HOMER1: variants seen among roughly 807,000 people sequenced by gnomAD.
HOMER1 encodes the protein homer scaffold protein 1.
In HOMER1, 3 loss-of-function variants were observed where a neutral mutation model predicts 48.9. That is an observed-to-expected ratio of 0.06 (90% CI 0.03 to 0.16). The LOEUF (loss-of-function observed/expected upper bound fraction) is 0.16. Ranked by LOEUF, HOMER1 falls within the 10% of genes least tolerant of loss-of-function variation. The pLI, the probability that HOMER1 is intolerant of heterozygous loss-of-function variation, is 1.00. For missense variants in HOMER1, 247 were observed against 411.4 expected, an observed-to-expected ratio of 0.60 and a Z score of 3.46; for synonymous variants, 134 against 146.4, an observed-to-expected ratio of 0.92 and a Z score of 0.61.
chr5:79,436,640 T>G (rs1049610134), intron 5 of HOMER1, among the ~76,000 whole-genome samples: 1 of 152,236 alleles, frequency 6.6e-6, no homozygotes, highest in Non-Finnish European at 1.5e-5. Flanking sequence ...TTCATTACAT[T>G]TCATTTTTCA....
intron 5 of HOMER1, among the ~76,000 whole-genome samples, chr5:79,425,400 G>A (rs932846551): frequency 6.6e-6 from 1 of 152,034 alleles, no homozygotes; most frequent in African/African-American, 2.4e-5. Context: ...GTGGTAACAG[G>A]GGAAAGGGAG....
At chr5:79,426,049 A>AG (rs941369182) in intron 5 of HOMER1, among the ~76,000 whole-genome samples, 11 of 152,122 alleles carry the variant, frequency 7.2e-5, no homozygotes, top group African/African-American at 2.6e-4. Context: ...AAAATTGAAA[A>AG]AAAAAAAAAC....
At chr5:79,496,793 G>A (rs546501058) in intron 1 of HOMER1, among the ~76,000 whole-genome samples, 6 of 152,176 alleles carry the variant, frequency 3.9e-5, no homozygotes, top group East Asian at 3.9e-4. Flanking sequence ...GGCCAGGCAC[G>A]GTGGCTCATG....
intron 5 of HOMER1, among the ~76,000 whole-genome samples, chr5:79,435,223 C>T (rs2112269501): frequency 6.6e-6 from 1 of 152,284 alleles, no homozygotes; most frequent in South Asian, 2.1e-4. Flanking sequence ...ATTACTAAAA[C>T]TTTCAGTGCT....
At chr5:79,381,382 T>C (rs1748970252) in intron 8 of HOMER1, among the ~76,000 whole-genome samples, 2 of 152,208 alleles carry the variant, frequency 1.3e-5, no homozygotes, top group South Asian at 2.1e-4. Flanking sequence ...ATTTTAAAAG[T>C]TGGCAGAAGT....
rs1225102297 is a variant in HOMER1, at chr5:79,411,772, T to TA, written c.528-9718dup. Reference sequence around the variant, plus strand: ...CCTTGCATGTACTTTTTAGGCATGTTAATTATGTAGAACTGAGAAAAATAT... The same window carrying TA: ...CCTTGCATGTACTTTTTAGGCATGTTAAATTATGTAGAACTGAGAAAAATAT... On this transcript the variant is annotated intron_variant, in intron 5 of 8. Coordinates refer to ENST00000334082, the MANE Select transcript of HOMER1 (RefSeq NM_004272.5). 2.6e-4 allele frequency among the ~76,000 whole-genome samples: 40 copies of TA among 152,158 alleles called. 2 individuals are homozygous for TA. The highest frequency in any genetic ancestry group is 2.9e-5 in the Non-Finnish European group (2 of 68,036).
intron 5 of HOMER1, among the ~76,000 whole-genome samples, chr5:79,422,282 C>T (rs1750123447): frequency 6.6e-6 from 1 of 151,564 alleles, no homozygotes; most frequent in African/African-American, 2.4e-5. Context: ...CTGAAATACA[C>T]AGTTATTTTC....
At chr5:79,512,682 T>C in intron 1 of HOMER1, 88 bp downstream of exon 1, 1 of 1,324,762 alleles carries the variant, frequency 7.5e-7, no homozygotes, top group Non-Finnish European at 1.1e-6. Context: ...CAAGTTTGTT[T>C]GAAAACACAA....
Position 79,492,618 on chromosome 5 carries a change from C to T in HOMER1, c.5+20152G>A, listed in dbSNP as rs772089569. 1.4e-4 allele frequency among the ~76,000 whole-genome samples: 21 copies of T among 152,176 alleles called. No individual in the cohort carries two copies. The South Asian group carries it at 2.7e-3, about 20-fold the overall frequency. On this transcript the variant is annotated intron_variant, in intron 1 of 8. Coordinates refer to ENST00000334082, the MANE Select transcript of HOMER1 (RefSeq NM_004272.5). ...AGGAAATGGGAATATAAATATTAAA[C>T]GCAGTCGCAGCCCTCAAAAGACCTC...
At chr5:79,400,441 C>T (rs913236193) in intron 6 of HOMER1, among the ~76,000 whole-genome samples, 3 of 150,960 alleles carry the variant, frequency 2.0e-5, no homozygotes, top group Non-Finnish European at 4.4e-5. Flanking sequence ...ACTTTAGCCT[C>T]TGCCTCCTGG....
At chr5:79,457,098 G>T in intron 1 of HOMER1, 80 bp from the exon 2 acceptor site, 1 of 1,324,116 alleles carries the variant, frequency 7.6e-7, no homozygotes, top group South Asian at 1.2e-5. Flanking sequence ...AAACTGCAAG[G>T]ATGATTCTGC....
chr5:79,424,066 G>A (rs1750176795), intron 5 of HOMER1, among the ~76,000 whole-genome samples: 1 of 152,028 alleles, frequency 6.6e-6, no homozygotes, highest in South Asian at 2.1e-4. Context: ...ACTGGTACAA[G>A]AAGCCCTTCT....
At chr5:79,497,617 A>G (rs1752463289) in intron 1 of HOMER1, among the ~76,000 whole-genome samples, 1 of 149,692 alleles carries the variant, frequency 6.7e-6, no homozygotes, top group Non-Finnish European at 1.5e-5. Flanking sequence ...GTGAGCCAAG[A>G]TCGTGTACTG....
intron 1 of HOMER1, among the ~76,000 whole-genome samples, chr5:79,506,855 AAT>A (rs113846015): frequency 0.27 from 41,030 of 151,214 alleles, 6,535 homozygotes; most frequent in African/African-American, 0.45. Context: ...CAAACAAAAA[AAT>A]ATATATATAT....
At chr5:79,475,554 A>T (rs183434637) in intron 1 of HOMER1, among the ~76,000 whole-genome samples, 47 of 151,890 alleles carry the variant, frequency 3.1e-4, no homozygotes, top group African/African-American at 1.1e-3. Context: ...CATCCTTCTC[A>T]GAATACCACA....
intron 5 of HOMER1, among the ~76,000 whole-genome samples, chr5:79,409,455 T>A (rs923098601): frequency 1.4e-4 from 21 of 147,550 alleles, no homozygotes; most frequent in African/African-American, 4.7e-4. Flanking sequence ...GGAGAAAACC[T>A]TTGTGACATT....
rs138626989 is a variant in HOMER1, at chr5:79,414,343, C to T, written c.528-12288G>A. 2.5e-4 allele frequency among the ~76,000 whole-genome samples: 38 copies of T among 151,992 alleles called. 1 individual carries two copies. Among genetic ancestry groups the T allele is most frequent in the African/African-American group, 8.9e-4 (37 of 41,478 alleles). ...CTCCTGGACTCAAGCGATCCACCCT[C>T]CTCAGCCTCCCAACAGTGCACCTGG... On this transcript the variant is annotated intron_variant, in intron 5 of 8. Transcript: ENST00000334082.
rs1748690182 is a variant in HOMER1 at position 79,373,708 on chromosome 5, C to CT, written c.*2300dup. The stretch of plus-strand genomic sequence containing the variant: ...TATACTGTACATGTCTATTGACAAT[C>CT]TGGGAATTTAAAGGTGCAGCCCTCA... On this transcript the variant is annotated 3_prime_UTR_variant, in exon 9 of 9. Transcript: ENST00000334082. 1 of 151,994 alleles carries CT rather than the reference C, an allele frequency of 6.6e-6. No individual in the cohort carries two copies. The highest frequency in any genetic ancestry group is 2.1e-4 in the South Asian group (1 of 4,824). 9.4% of individuals were successfully genotyped at this position (151,994 alleles called of 1,614,324 possible). A position where few individuals can be genotyped will look rare whatever the true frequency, so the allele number is the denominator to read the frequency against.
chr5:79,499,265 G>T (rs972361687), intron 1 of HOMER1, among the ~76,000 whole-genome samples: 1 of 152,116 alleles, frequency 6.6e-6, no homozygotes, highest in Non-Finnish European at 1.5e-5. Context: ...GTATTCCAGA[G>T]GCTCATGTGC....
Sources: gnomAD v4.1 joint callset for allele counts (sites outside exome capture counted in the v4.1 genomes callset) on GRCh38, gnomAD v4.1.1 for gene constraint, MANE v1.5 for transcripts, NCBI Gene and HGNC (gene_info 2026-07-23, HGNC 2026-07-21) for gene names.